Variants in CPNE2 observed in about 807,000 individuals in gnomAD.
The protein encoded by CPNE2 is copine 2.
CPNE2 carries 42 observed loss-of-function variants against 69.7 expected under a neutral mutation model. The ratio of observed to expected loss-of-function variants is 0.60; its 90% confidence interval spans 0.47 to 0.78. The LOEUF (loss-of-function observed/expected upper bound fraction) is 0.78, where lower values mean the gene tolerates loss of function less well. Ranked by LOEUF, CPNE2 falls within the 30% of genes least tolerant of loss-of-function variation. CPNE2 has a pLI of 0.00. For missense variants in CPNE2, 587 were observed against 732.0 expected (o/e 0.80, Z 2.29); for synonymous variants, 294 against 289.8 (o/e 1.01, Z -0.15).
chr16:57,134,780 C>T lies in CPNE2; in HGVS notation c.1122C>T (p.Ser374=), dbSNP rs1287833766. The T allele has an allele frequency of 6.2e-7, 1 of 1,613,960 alleles. No individual in the cohort carries two copies. Among genetic ancestry groups the T allele is most frequent in the Non-Finnish European group, 8.5e-7 (1 of 1,179,940 alleles). The change falls in exon 13 of 16, where the codon TCC becomes TCT. Residue 374 remains serine, a synonymous_variant. Coordinates refer to ENST00000290776, the MANE Select transcript of CPNE2 (RefSeq NM_152727.6). ...GAQLPPDWKV[S]HEFAINFNPT... is the part of the protein sequence containing the mutation. ...GCGTTTTCTCTGCGTTTCAGGTCTC[C>T]CATGAGTTTGCCATCAACTTCAACC... is the stretch of plus-strand genomic sequence containing the variant.
intron 12 of CPNE2, among the ~76,000 whole-genome samples, chr16:57,134,075 C>G (rs553421105): frequency 6.6e-6 from 1 of 152,196 alleles, no homozygotes; most frequent in African/African-American, 2.4e-5. Flanking sequence ...TTCTATACCC[C>G]GAAGCCATGC....
At chr16:57,126,130 C>A in intron 11 of CPNE2, 137 bp downstream of exon 11, 1 of 1,101,054 alleles carries the variant, frequency 9.1e-7, no homozygotes, top group Non-Finnish European at 1.3e-6. Flanking sequence ...CAGTTATTAC[C>A]CATTCCCATA....
rs1233547702 is a variant in CPNE2 at position 57,117,392 on chromosome 16, T to C, written c.436-104T>C. ...AGGTCACCTGGAACTGCCCTTCCCT[T>C]CCCCCTCCTAGCCCTGGAGGATTGC... is the stretch of plus-strand genomic sequence containing the variant. On this transcript the variant is annotated intron_variant, in intron 4 of 15. Transcript: ENST00000290776. 8 of 1,151,634 alleles carry C rather than the reference T, an allele frequency of 6.9e-6. No homozygotes were observed. In the African/African-American group the frequency reaches 1.2e-4, roughly 18 times the overall value. The allele number at this position is 1,151,634 out of a possible 1,614,324, so 71.3% of individuals were successfully genotyped here. A position where few individuals can be genotyped will look rare whatever the true frequency, so the allele number is the denominator to read the frequency against.
chr16:57,097,457 G>C lies in CPNE2; in HGVS notation c.-36+4667G>C, dbSNP rs2069584865. 5.3e-5 allele frequency among the ~76,000 whole-genome samples: 8 copies of C among 152,356 alleles called. 1 individual carries two copies. The South Asian group carries it at 1.7e-3, about 32-fold the overall frequency. ...TGGAGACCCAAAGTCCCAAGTGAAAGAGGGATTACATCTGTGCACAACCCT... is the reference window on the plus strand; with the variant it reads ...TGGAGACCCAAAGTCCCAAGTGAAACAGGGATTACATCTGTGCACAACCCT... On this transcript the variant is annotated intron_variant, in intron 1 of 15. Transcript: ENST00000290776.
Position 57,103,204 on chromosome 16 carries a change from C to A in CPNE2, c.-35-7504C>A, listed in dbSNP as rs181661736. 3.3e-5 allele frequency among the ~76,000 whole-genome samples: 5 copies of A among 152,318 alleles called. No homozygotes were observed. In the East Asian group the frequency reaches 9.6e-4, roughly 29 times the overall value. On this transcript the variant is annotated intron_variant, in intron 1 of 15. Coordinates refer to ENST00000290776, the MANE Select transcript of CPNE2 (RefSeq NM_152727.6). ...GTGGCACAATCACAGCTCACTGCAG[C>A]CTTGACCTTGCAGGCTCAAGTAATT...
intron 1 of CPNE2, among the ~76,000 whole-genome samples, chr16:57,099,775 ATTTT>A (rs776284229): frequency 9.9e-6 from 1 of 101,404 alleles, no homozygotes; most frequent in Non-Finnish European, 2.0e-5. Flanking sequence ...CTAATTTTTG[ATTTT>A]TTTTTTTTTT....
intron 1 of CPNE2, among the ~76,000 whole-genome samples, chr16:57,103,311 C>T (rs1247689975): frequency 6.6e-6 from 1 of 151,522 alleles, no homozygotes; most frequent in Non-Finnish European, 1.5e-5. Flanking sequence ...TTTGTAGAGA[C>T]AGGATCTCAC....
intron 15 of CPNE2, chr16:57,147,239 G>A (rs537609828): frequency 2.2e-5 from 6 of 276,252 alleles, no homozygotes; most frequent in South Asian, 1.6e-4. Context: ...AAGGTGCTCA[G>A]GAGATGTTTG....
chr16:57,123,340 C>G lies in CPNE2; in HGVS notation c.868-74C>G, dbSNP rs1232125008. 5 of 1,491,890 alleles carry G rather than the reference C, an allele frequency of 3.4e-6. No homozygotes were observed. In the African/African-American group the frequency reaches 6.9e-5, roughly 21 times the overall value. 92.4% of individuals were successfully genotyped at this position (1,491,890 alleles called of 1,614,324 possible). On this transcript the variant is annotated intron_variant, in intron 9 of 15. Transcript: ENST00000290776. ...CCTTGTCCCTACTGAGGTTGCAGGA[C>G]ATAGAGCAACAACTCCCCCATGGGG...
intron 14 of CPNE2, among the ~76,000 whole-genome samples, chr16:57,138,185 T>C (rs1367674834): frequency 6.6e-6 from 1 of 152,188 alleles, no homozygotes; most frequent in African/African-American, 2.4e-5. Flanking sequence ...CACTACCTCC[T>C]GGGAGACCTC....
At position 57,121,185 on chromosome 16, in the gene CPNE2, C is replaced by T. The variant is rs370649847; in HGVS notation, c.774C>T (p.Ser258=). 9.3e-6 allele frequency: 15 copies of T among 1,613,312 alleles called. No individual in the cohort carries two copies. The highest frequency in any genetic ancestry group is 2.7e-5 in the African/African-American group (2 of 75,012). The change falls in exon 8 of 16, where the codon AGC becomes AGT. Residue 258 remains serine (S), a synonymous_variant. Coordinates refer to ENST00000290776, the MANE Select transcript of CPNE2 (RefSeq NM_152727.6). ...CACAGATGTGTGAGGCTCGAGACAG[C>T]GTCCCGGTGAGATGGGCACGTGTAC... ...SVSQMCEARD[S]VPLEFECINP... is the part of the protein sequence containing the mutation.
chr16:57,126,620 A>C (rs2145265609), intron 11 of CPNE2, among the ~76,000 whole-genome samples: 1 of 152,304 alleles, frequency 6.6e-6, no homozygotes, highest in Non-Finnish European at 1.5e-5. Flanking sequence ...TCCAGGTCAG[A>C]GGATGGAATG....
intron 1 of CPNE2, among the ~76,000 whole-genome samples, chr16:57,097,821 C>T (rs2069587272): frequency 6.6e-6 from 1 of 152,214 alleles, no homozygotes; most frequent in East Asian, 1.9e-4. Flanking sequence ...CCCTCTGAGC[C>T]TGGCCAGATC....
chr16:57,105,512 C>T (rs144529669), intron 1 of CPNE2, among the ~76,000 whole-genome samples: 49 of 152,026 alleles, frequency 3.2e-4, no homozygotes, highest in African/African-American at 1.1e-3. Context: ...CACAGCTCAC[C>T]GCAGCCCCAA....
Position 57,115,500 on chromosome 16 carries a change from A to T in CPNE2, c.385A>T (p.Arg129Trp). ...GATCGTCTCCAGCAAGAAGATCACT[A>T]GGCCTCTGCTGCTGCTGAATGACAA... Reference protein sequence around the residue: ...GTIVSSKKITRPLLLLNDKPA... With the variant: ...GTIVSSKKITWPLLLLNDKPA... Residue 129 changes from arginine to tryptophan, a missense_variant, in exon 4 of 16, where the codon AGG becomes TGG. Coordinates refer to ENST00000290776, the MANE Select transcript of CPNE2 (RefSeq NM_152727.6). The T allele has an allele frequency of 6.2e-7, 1 of 1,612,424 alleles. No individual in the cohort carries two copies. The highest frequency in any genetic ancestry group is 8.5e-7 in the Non-Finnish European group (1 of 1,179,190).
Position 57,146,474 on chromosome 16 carries a change from C to A in CPNE2, c.1539+153C>A. ...TTCTGAGGGCCTGCCATGTGCCAGG[C>A]GCCGTGCCAGGCCTTGCCCCGGTGG... On this transcript the variant is annotated intron_variant, in intron 15 of 15. Transcript: ENST00000290776. The surrounding 1 kb of genome is among the most constrained non-coding windows in gnomAD (Gnocchi z 4.4). The A allele has an allele frequency of 1.4e-6, 1 of 709,704 alleles. No individual in the cohort carries two copies. Among genetic ancestry groups the A allele is most frequent in the Non-Finnish European group, 2.3e-6 (1 of 434,560 alleles). 44.0% of individuals were successfully genotyped at this position (709,704 alleles called of 1,614,324 possible). A position where few individuals can be genotyped will look rare whatever the true frequency, so the allele number is the denominator to read the frequency against.
chr16:57,132,087 C>G (rs1175266600), intron 12 of CPNE2, among the ~76,000 whole-genome samples: 1 of 152,102 alleles, frequency 6.6e-6, no homozygotes. Flanking sequence ...GGGACCCAGC[C>G]CAAATTTGGG....
At chr16:57,100,495 T>C (rs372033963) in intron 1 of CPNE2, among the ~76,000 whole-genome samples, 1 of 152,226 alleles carries the variant, frequency 6.6e-6, no homozygotes, top group Non-Finnish European at 1.5e-5. Context: ...GTAATTTCCA[T>C]GTGTTGGATG....
At chr16:57,120,565 G>A (rs2069754450) in intron 7 of CPNE2, among the ~76,000 whole-genome samples, 1 of 152,238 alleles carries the variant, frequency 6.6e-6, no homozygotes, top group Non-Finnish European at 1.5e-5. Flanking sequence ...AGATTCCCAA[G>A]TAGGATACCA....
Sources: allele counts gnomAD v4.1 joint callset (sites outside exome capture counted in the v4.1 genomes callset), GRCh38; gene constraint gnomAD v4.1.1; non-coding constraint Gnocchi (gnomAD v3.1); transcripts MANE v1.5; gene names NCBI Gene and HGNC (gene_info 2026-07-23, HGNC 2026-07-21).